MYO1D: variants seen among roughly 807,000 people sequenced by gnomAD.
MYO1D encodes myosin ID, also known as unconventional myosin-Id.
Under a neutral mutation model 122.0 loss-of-function variants are expected in MYO1D, and 83 were observed. The ratio of observed to expected loss-of-function variants is 0.68; its 90% CI spans 0.57 to 0.82. The LOEUF (loss-of-function observed/expected upper bound fraction) is 0.82, where lower values mean the gene tolerates loss of function less well. Among genes scored for constraint, MYO1D ranks in the 40% least tolerant of loss-of-function variants. The pLI is 0.00. For missense variants in MYO1D, 1,157 were observed against 1,269.5 expected, an observed-to-expected ratio of 0.91 and a Z score of 1.35; for synonymous variants, 464 against 446.9, an observed-to-expected ratio of 1.04 and a Z score of -0.48.
chr17:32,755,630 G>A lies in MYO1D; in HGVS notation c.1329C>T (p.Asp443=), dbSNP rs1461817044. ...IDYFNNQIIV[D]LVEQQHKGII... is the part of the protein sequence containing the mutation. ...TCCCTTTGTGCTGTTGCTCCACGAGGTCAACAATGATCTGATTGTTGAAGT... is the reference window on the plus strand; with the variant it reads ...TCCCTTTGTGCTGTTGCTCCACGAGATCAACAATGATCTGATTGTTGAAGT... Residue 443 remains aspartate (D), a synonymous_variant, in exon 11 of 22, where the codon GAC becomes GAT. Transcript: ENST00000318217. 2 of 1,613,610 alleles carry A rather than the reference G, an allele frequency of 1.2e-6. No individual in the cohort carries two copies. Among genetic ancestry groups the A allele is most frequent in the Non-Finnish European group, 1.7e-6 (2 of 1,179,724 alleles).
chr17:32,613,632 T>G (rs1597934391), intron 20 of MYO1D, among the ~76,000 whole-genome samples: 2 of 151,120 alleles, frequency 1.3e-5, no homozygotes, highest in Admixed American at 6.6e-5. Context: ...AAATTAGCTG[T>G]GCGTGGTGGT....
At chr17:32,522,794 C>T (rs1236553891) in intron 21 of MYO1D, among the ~76,000 whole-genome samples, 1 of 135,118 alleles carries the variant, frequency 7.4e-6, no homozygotes, top group Non-Finnish European at 1.6e-5. Context: ...CTGTCAGGCT[C>T]CTCAGTCTTA....
intron 10 of MYO1D, among the ~76,000 whole-genome samples, chr17:32,757,975 C>T (rs541463661): frequency 1.9e-4 from 29 of 152,192 alleles, no homozygotes; most frequent in Middle Eastern, 3.4e-3. Context: ...TTGCAAACTA[C>T]AGCATCGAAA....
chr17:32,811,426 G>A (rs549038910), intron 1 of MYO1D, among the ~76,000 whole-genome samples: 72 of 152,078 alleles, frequency 4.7e-4, no homozygotes, highest in African/African-American at 1.6e-3. Flanking sequence ...ATCCATCCCC[G>A]CTACTCCAGC....
At chr17:32,503,860 G>C (rs1358170288) in intron 21 of MYO1D, among the ~76,000 whole-genome samples, 1 of 152,200 alleles carries the variant, frequency 6.6e-6, no homozygotes, top group Non-Finnish European at 1.5e-5. Context: ...TCCCCCTGCT[G>C]ATGTCAAACC....
At chr17:32,710,795 C>G (rs1240909752) in intron 16 of MYO1D, among the ~76,000 whole-genome samples, 1 of 152,084 alleles carries the variant, frequency 6.6e-6, no homozygotes, top group Non-Finnish European at 1.5e-5. Context: ...CAGGAAAATA[C>G]AGCAAGCAAA....
intron 19 of MYO1D, among the ~76,000 whole-genome samples, chr17:32,642,329 T>C (rs1272741852): frequency 6.6e-6 from 1 of 152,266 alleles, no homozygotes; most frequent in Non-Finnish European, 1.5e-5. Flanking sequence ...TTTTGGTTAC[T>C]GTAGCCTTGT....
At chr17:32,780,906 G>GT in intron 1 of MYO1D, 122 bp from the exon 2 acceptor site, 1 of 949,482 alleles carries the variant, frequency 1.1e-6, no homozygotes, top group Non-Finnish European at 1.6e-6. Context: ...CTGAACTGAC[G>GT]TTTCATTGGC....
At chr17:32,793,495 T>G (rs1203649083) in intron 1 of MYO1D, among the ~76,000 whole-genome samples, 2 of 152,206 alleles carry the variant, frequency 1.3e-5, no homozygotes, top group African/African-American at 4.8e-5. Flanking sequence ...CTAAAAATTG[T>G]ATTGCTTGAC....
chr17:32,771,624 A>G (rs1464342976), intron 5 of MYO1D, among the ~76,000 whole-genome samples: 2 of 152,222 alleles, frequency 1.3e-5, no homozygotes, highest in African/African-American at 2.4e-5. Context: ...GAAGTAAGAA[A>G]CATCAGCAGA....
At chr17:32,785,301 A>T (rs974513637) in intron 1 of MYO1D, among the ~76,000 whole-genome samples, 4 of 152,352 alleles carry the variant, frequency 2.6e-5, no homozygotes, top group Admixed American at 2.6e-4. Flanking sequence ...AACCAATTAT[A>T]ATCAGGAAGA....
At chr17:32,723,830 C>T (rs567438897) in intron 14 of MYO1D, among the ~76,000 whole-genome samples, 1 of 152,266 alleles carries the variant, frequency 6.6e-6, no homozygotes, top group African/African-American at 2.4e-5. Context: ...GACAAAGAAC[C>T]ATTATTTTAA....
intron 19 of MYO1D, among the ~76,000 whole-genome samples, chr17:32,650,756 T>C (rs2088377557): frequency 1.3e-5 from 2 of 152,236 alleles, no homozygotes; most frequent in African/African-American, 2.4e-5. Flanking sequence ...TAAAAAAATC[T>C]TCCATGTGTT....
At chr17:32,562,160 A>T (rs1309851890) in intron 21 of MYO1D, among the ~76,000 whole-genome samples, 1 of 151,702 alleles carries the variant, frequency 6.6e-6, no homozygotes, top group Non-Finnish European at 1.5e-5. Flanking sequence ...TGGGCTAAGT[A>T]AGTTTTTGTA....
At chr17:32,692,405 A>G (rs1385928764) in intron 16 of MYO1D, among the ~76,000 whole-genome samples, 1 of 152,234 alleles carries the variant, frequency 6.6e-6, no homozygotes, top group Non-Finnish European at 1.5e-5. Flanking sequence ...AACAGGATAT[A>G]TTTTGTCACC....
chr17:32,679,441 G>GT (rs1325144926), intron 16 of MYO1D, among the ~76,000 whole-genome samples: 5 of 152,004 alleles, frequency 3.3e-5, no homozygotes, highest in South Asian at 2.1e-4. Flanking sequence ...TTTGTATAAG[G>GT]TGTAAGGAAG....
intron 21 of MYO1D, among the ~76,000 whole-genome samples, chr17:32,546,050 T>C (rs2086962550): frequency 6.6e-6 from 1 of 152,188 alleles, no homozygotes; most frequent in African/African-American, 2.4e-5. Flanking sequence ...TAACAGCCAC[T>C]GAGGCCTTGC....
chr17:32,745,801 G>A (rs1324353633), intron 12 of MYO1D: 2 of 154,706 alleles, frequency 1.3e-5, no homozygotes, highest in African/African-American at 4.8e-5. Context: ...GTGCTCTGGA[G>A]AGAGAATGAG....
chr17:32,787,619 A>G (rs1300744079), intron 1 of MYO1D, among the ~76,000 whole-genome samples: 2 of 152,066 alleles, frequency 1.3e-5, no homozygotes, highest in Non-Finnish European at 2.9e-5. Context: ...GGGTTTCACT[A>G]TGTTGGCCAG....
Sources: gnomAD v4.1 joint callset for allele counts (sites outside exome capture counted in the v4.1 genomes callset) on GRCh38, gnomAD v4.1.1 for gene constraint, MANE v1.5 for transcripts, NCBI Gene and HGNC (gene_info 2026-07-23, HGNC 2026-07-21) for gene names.